Variants in ROBO2 observed in about 807,000 individuals in gnomAD.
The protein encoded by ROBO2 is roundabout guidance receptor 2.
A neutral mutation model predicts 160.8 loss-of-function variants in ROBO2; 53 were observed. The observed-to-expected ratio is 0.33, with a 90% CI of 0.26 to 0.41. The LOEUF (loss-of-function observed/expected upper bound fraction) is 0.41. ROBO2 is among the 10% of genes least tolerant of loss of function. ROBO2 has a pLI of 1.00. For missense variants in ROBO2, 1,577 were observed against 1,722.4 expected (o/e 0.92, Z 1.49); for synonymous variants, 664 against 611.7 (o/e 1.09, Z -1.26).
intron 2 of ROBO2, among the ~76,000 whole-genome samples, chr3:77,268,516 G>C (rs764965497): frequency 1.3e-5 from 2 of 152,068 alleles, no homozygotes; most frequent in Non-Finnish European, 2.9e-5. Context: ...AGGACACCAA[G>C]ACTAGAAAAA....
At chr3:76,753,438 T>C (rs891844515) in intron 2 of ROBO2, among the ~76,000 whole-genome samples, 2 of 151,902 alleles carry the variant, frequency 1.3e-5, no homozygotes, top group African/African-American at 4.8e-5. Flanking sequence ...AATAAAATTA[T>C]ACTTTTATTT....
At chr3:77,354,586 T>C (rs1012551274) in intron 2 of ROBO2, among the ~76,000 whole-genome samples, 3 of 152,222 alleles carry the variant, frequency 2.0e-5, no homozygotes, top group Admixed American at 1.3e-4. Flanking sequence ...GAAATGTCCA[T>C]ATTTTCATGA....
intron 2 of ROBO2, among the ~76,000 whole-genome samples, chr3:76,049,781 C>T (rs2107809050): frequency 6.6e-6 from 1 of 152,226 alleles, no homozygotes; most frequent in Non-Finnish European, 1.5e-5. Context: ...TGTCCCTGCA[C>T]CCTGGGTGGC....
intron 6 of ROBO2, among the ~76,000 whole-genome samples, 187 bp from the exon 8 acceptor site, chr3:77,546,151 T>C: frequency 6.6e-6 from 1 of 152,170 alleles, no homozygotes; most frequent in Non-Finnish European, 1.5e-5. Context: ...AAAGTTTGCT[T>C]CTTTCCTCAC....
intron 2 of ROBO2, among the ~76,000 whole-genome samples, chr3:76,144,484 T>G (rs6806658): frequency 1.3e-5 from 2 of 151,798 alleles, no homozygotes; most frequent in South Asian, 4.1e-4. Flanking sequence ...TTTCAATTAG[T>G]TATATAAAAA....
chr3:76,158,705 C>T (rs369926185), intron 2 of ROBO2, among the ~76,000 whole-genome samples: 28 of 151,998 alleles, frequency 1.8e-4, no homozygotes, highest in African/African-American at 2.2e-4. Context: ...TGCATTGTCC[C>T]GCTTCCTTTC....
intron 2 of ROBO2, among the ~76,000 whole-genome samples, chr3:76,905,459 A>T (rs1577378631): frequency 6.6e-6 from 1 of 152,190 alleles, no homozygotes; most frequent in East Asian, 1.9e-4. Context: ...CAATTATCAG[A>T]ATTTCTTGAG....
rs559018299 is a variant in ROBO2 at position 77,282,075 on chromosome 3, T to C, written c.388+183735T>C. Among the ~76,000 whole-genome samples, 20 of 152,282 alleles carry C rather than the reference T, an allele frequency of 1.3e-4. No homozygotes were observed. The East Asian group carries it at 3.9e-3, about 29-fold the overall frequency. On this transcript the variant is annotated intron_variant, in intron 2 of 25. Coordinates refer to ENST00000461745, the Ensembl canonical transcript of ROBO2. ...TACAATGTAAATGCTATGTAAATAG[T>C]TAATACTGTATTGCTTAGGGAATCA...
chr3:76,060,020 G>C (rs1282510760), intron 2 of ROBO2, among the ~76,000 whole-genome samples: 2 of 151,946 alleles, frequency 1.3e-5, no homozygotes, highest in African/African-American at 4.8e-5. Flanking sequence ...TCTCTGTTTT[G>C]GTACCAGAGA....
At chr3:76,835,642 G>C (rs1160840774) in intron 2 of ROBO2, among the ~76,000 whole-genome samples, 1 of 151,602 alleles carries the variant, frequency 6.6e-6, no homozygotes, top group Non-Finnish European at 1.5e-5. Flanking sequence ...TTTGCATTTT[G>C]CATATTAGTT....
chr3:77,078,695 G>C (rs956690386), intron 1 of ROBO2, among the ~76,000 whole-genome samples: 1 of 152,142 alleles, frequency 6.6e-6, no homozygotes, highest in Non-Finnish European at 1.5e-5. Context: ...AAACAGAGTT[G>C]GGCCCAAAGG....
At chr3:77,643,672 A>G (rs1193255575) in intron 24 of ROBO2, among the ~76,000 whole-genome samples, 4 of 152,150 alleles carry the variant, frequency 2.6e-5, no homozygotes, top group Non-Finnish European at 5.9e-5. Flanking sequence ...ACACATACAC[A>G]TACACACAAT....
intron 2 of ROBO2, among the ~76,000 whole-genome samples, chr3:76,057,913 A>G (rs569690286): frequency 3.9e-5 from 6 of 152,344 alleles, no homozygotes; most frequent in Non-Finnish European, 8.8e-5. Context: ...TTAACAGCAA[A>G]GCATAAATGT....
intron 2 of ROBO2, among the ~76,000 whole-genome samples, chr3:76,009,773 CAAT>C (rs1263524826): frequency 6.6e-6 from 1 of 152,058 alleles, no homozygotes; most frequent in African/African-American, 2.4e-5. Flanking sequence ...CAGAAAAGTT[CAAT>C]AATATTTTCC....
chr3:77,269,748 A>G (rs12497321), intron 2 of ROBO2, among the ~76,000 whole-genome samples: 1 of 151,896 alleles, frequency 6.6e-6, no homozygotes, highest in Non-Finnish European at 1.5e-5. Context: ...TGACAACAAG[A>G]AAGGATGAAT....
chr3:76,773,714 A>G (rs543066167), intron 2 of ROBO2, among the ~76,000 whole-genome samples: 1 of 151,030 alleles, frequency 6.6e-6, no homozygotes, highest in African/African-American at 2.4e-5. Context: ...CCTATATCAT[A>G]TATAGTCATA....
chr3:77,281,543 G>A (rs113240760), intron 2 of ROBO2, among the ~76,000 whole-genome samples: 27 of 151,842 alleles, frequency 1.8e-4, no homozygotes, highest in African/African-American at 5.3e-4. Flanking sequence ...TTAGAAATGC[G>A]TATGTTTGTA....
chr3:76,422,692 G>A (rs753978560), intron 2 of ROBO2, among the ~76,000 whole-genome samples: 8 of 152,118 alleles, frequency 5.3e-5, no homozygotes, highest in Middle Eastern at 3.2e-3. Flanking sequence ...AGGTGTTGAT[G>A]TACTTTATGT....
intron 2 of ROBO2, among the ~76,000 whole-genome samples, chr3:76,784,932 G>A (rs1035607137): frequency 6.6e-6 from 1 of 151,132 alleles, no homozygotes; most frequent in Admixed American, 6.6e-5. Context: ...TTGTGACACT[G>A]CTTATCTTAC....
Sources: gnomAD v4.1 joint callset for allele counts (sites outside exome capture counted in the v4.1 genomes callset) on GRCh38, gnomAD v4.1.1 for gene constraint, MANE v1.5 for transcripts, NCBI Gene and HGNC (gene_info 2026-07-23, HGNC 2026-07-21) for gene names.